Variants in CCDC171 observed in about 807,000 individuals in gnomAD.
The protein encoded by CCDC171 is coiled-coil domain-containing protein 171.
CCDC171 carries 177 observed loss-of-function variants against 168.2 expected under a neutral mutation model. The ratio of observed to expected loss-of-function variants is 1.05; its 90% CI spans 0.93 to 1.19. The LOEUF (loss-of-function observed/expected upper bound fraction) is 1.19, where lower values mean the gene tolerates loss of function less well. Ranked by LOEUF, CCDC171 falls within the 50% of genes most tolerant of loss-of-function variation. The probability of loss-of-function intolerance (pLI) is 0.00; values close to 1 mark genes in which losing one functional copy is unlikely to be tolerated. For synonymous variants in CCDC171, 687 were observed against 540.8 expected, an observed-to-expected ratio of 1.27 and a Z score of -3.75; for missense variants, 1,991 against 1,539.0, an observed-to-expected ratio of 1.29 and a Z score of -4.91.
chr9:16,034,266 G>A (rs1299705921), intron 6 of CCDC171, among the ~76,000 whole-genome samples: 2 of 152,160 alleles, frequency 1.3e-5, no homozygotes, highest in South Asian at 2.1e-4. Context: ...CACCATTGGC[G>A]TCTATCAGCC....
chr9:15,634,573 GT>G (rs1350571709), intron 7 of CCDC171, among the ~76,000 whole-genome samples: 4 of 152,126 alleles, frequency 2.6e-5, no homozygotes, highest in Non-Finnish European at 5.9e-5. Context: ...TAGGGTATTT[GT>G]TTGGCTACTT....
chr9:15,815,311 T>TACAG (rs1563794788), intron 21 of CCDC171, among the ~76,000 whole-genome samples: 135 of 125,118 alleles, frequency 1.1e-3, no homozygotes, highest in Middle Eastern at 4.4e-3. Flanking sequence ...AACTCTGTGC[T>TACAG]TTATTGTTCT....
At chr9:16,056,434 C>T (rs533004981) in intron 1 of CCDC171, among the ~76,000 whole-genome samples, 4 of 152,268 alleles carry the variant, frequency 2.6e-5, no homozygotes, top group African/African-American at 9.6e-5. Flanking sequence ...TTCAAGTAGC[C>T]ACACGAGCCT....
At chr9:15,784,483 A>G in intron 20 of CCDC171, 26 bp from the exon 21 acceptor site, 1 of 1,528,558 alleles carries the variant, frequency 6.5e-7, no homozygotes, top group Admixed American at 1.7e-5. Context: ...TTTATAACTG[A>G]TTCTCCCCTC....
intron 21 of CCDC171, among the ~76,000 whole-genome samples, chr9:15,841,939 A>C (rs2066292): frequency 0.43 from 64,545 of 151,734 alleles, 13,926 homozygotes; most frequent in Non-Finnish European, 0.46. Context: ...GTTACATAAC[A>C]GTAGGGCTGA....
At chr9:15,843,601 C>A (rs1397922409) in intron 21 of CCDC171, among the ~76,000 whole-genome samples, 4 of 152,000 alleles carry the variant, frequency 2.6e-5, no homozygotes, top group African/African-American at 9.7e-5. Context: ...GTATGTTTTT[C>A]CTTTAATTTC....
chr9:15,642,863 A>G (rs2046750605), intron 7 of CCDC171, among the ~76,000 whole-genome samples: 1 of 152,204 alleles, frequency 6.6e-6, no homozygotes, highest in African/African-American at 2.4e-5. Flanking sequence ...AAACTAGATC[A>G]TTAATTAACT....
intron 24 of CCDC171, among the ~76,000 whole-genome samples, chr9:15,909,290 T>C (rs1823250717): frequency 6.6e-6 from 1 of 152,196 alleles, no homozygotes; most frequent in South Asian, 2.1e-4. Flanking sequence ...ATAGGGTTTC[T>C]CTAAAATTTT....
At chr9:15,714,434 G>A (rs1453484914) in intron 11 of CCDC171, among the ~76,000 whole-genome samples, 1 of 152,120 alleles carries the variant, frequency 6.6e-6, no homozygotes, top group African/African-American at 2.4e-5. Context: ...CTACTGGACC[G>A]ACTAGAGAGA....
At chr9:15,624,377 A>G (rs977050517) in intron 7 of CCDC171, among the ~76,000 whole-genome samples, 2 of 152,058 alleles carry the variant, frequency 1.3e-5, no homozygotes, top group South Asian at 2.1e-4. Context: ...GGCTTGTTAC[A>G]TATGTATACA....
chr9:15,678,174 G>A (rs1361927242), intron 9 of CCDC171, among the ~76,000 whole-genome samples: 4 of 151,642 alleles, frequency 2.6e-5, no homozygotes, highest in Admixed American at 2.0e-4. Flanking sequence ...GACTGCCAAA[G>A]TGCTGGGATT....
intron 25 of CCDC171, among the ~76,000 whole-genome samples, chr9:15,927,233 G>A (rs547347237): frequency 6.6e-6 from 1 of 151,506 alleles, no homozygotes; most frequent in South Asian, 2.1e-4. Context: ...TAACTTTTCC[G>A]GTATGTTGGT....
chr9:15,752,943 G>A (rs1205585958), intron 18 of CCDC171, among the ~76,000 whole-genome samples: 1 of 151,948 alleles, frequency 6.6e-6, no homozygotes, highest in East Asian at 1.9e-4. Context: ...TAAGTATGAC[G>A]CTTAAAAGTA....
intron 23 of CCDC171, among the ~76,000 whole-genome samples, chr9:15,861,689 TATTC>T (rs56170901): frequency 0.86 from 129,965 of 151,124 alleles, 55,990 homozygotes; most frequent in East Asian, 0.98. Context: ...CTATATGGTG[TATTC>T]ATTCATTCAT....
At chr9:15,630,208 C>T (rs2045560396) in intron 7 of CCDC171, among the ~76,000 whole-genome samples, 1 of 152,134 alleles carries the variant, frequency 6.6e-6, no homozygotes, top group African/African-American at 2.4e-5. Flanking sequence ...GGGCTAAGTG[C>T]TCCAATTAAA....
intron 24 of CCDC171, among the ~76,000 whole-genome samples, chr9:15,910,945 T>C (rs991837477): frequency 3.3e-5 from 5 of 152,192 alleles, no homozygotes; most frequent in Non-Finnish European, 7.3e-5. Context: ...CCAGTCTTCA[T>C]TGATGGACAT....
At chr9:15,906,369 A>G (rs532822161) in intron 24 of CCDC171, among the ~76,000 whole-genome samples, 5 of 152,356 alleles carry the variant, frequency 3.3e-5, no homozygotes, top group African/African-American at 4.8e-5. Context: ...CTGGTTCAAC[A>G]TACGAAAATC....
rs145711877 is a variant in CCDC171 at position 15,601,173 on chromosome 9, A to G, written c.675+7001A>G. ...CCACTCTCTGACAATCCTCAGTGAG[A>G]TGAACCCGGTACCTGAGTTGGAAAT... On this transcript the variant is annotated intron_variant, in intron 6 of 25. Coordinates refer to ENST00000380701, the MANE Select transcript of CCDC171 (RefSeq NM_173550.4). Among the ~76,000 whole-genome samples the G allele has an allele frequency of 3.9e-5, 6 of 152,240 alleles. No individual in the cohort carries two copies. The East Asian group carries it at 9.7e-4, about 25-fold the overall frequency.
intron 11 of CCDC171, among the ~76,000 whole-genome samples, chr9:15,697,742 G>A (rs1022115954): frequency 2.6e-5 from 4 of 152,206 alleles, no homozygotes; most frequent in African/African-American, 9.6e-5. Context: ...CCTTCAGTGA[G>A]TCATAACCTT....
Sources: gnomAD v4.1 joint callset for allele counts (sites outside exome capture counted in the v4.1 genomes callset) on GRCh38, gnomAD v4.1.1 for gene constraint, MANE v1.5 for transcripts, NCBI Gene and HGNC (gene_info 2026-07-23, HGNC 2026-07-21) for gene names.